Variants in OPCML observed in about 807,000 individuals in gnomAD.
OPCML encodes the protein opioid binding protein/cell adhesion molecule like.
In OPCML, 13 loss-of-function variants were observed where a neutral mutation model predicts 37.8. That is an observed-to-expected ratio of 0.34 (90% CI 0.22 to 0.55). OPCML has a LOEUF of 0.55. Ranked by LOEUF, OPCML falls within the 20% of genes least tolerant of loss-of-function variation. The probability of loss-of-function intolerance (pLI) is 0.91; values close to 1 mark genes in which losing one functional copy is unlikely to be tolerated. For synonymous variants in OPCML, 176 were observed against 168.8 expected (o/e 1.04, Z -0.33); for missense variants, 341 against 435.6 (o/e 0.78, Z 1.93).
At chr11:132,826,587 T>C (rs1216314982) in intron 2 of OPCML, among the ~76,000 whole-genome samples, 1 of 152,212 alleles carries the variant, frequency 6.6e-6, no homozygotes. Flanking sequence ...AAGAATACTT[T>C]ATGTAACATG....
chr11:133,185,237 C>T (rs1002830127), intron 1 of OPCML, among the ~76,000 whole-genome samples: 5 of 152,154 alleles, frequency 3.3e-5, no homozygotes, highest in Non-Finnish European at 7.3e-5. Context: ...GTTCATTCTC[C>T]AATTACATTA....
At chr11:133,028,859 G>A (rs140818492) in intron 1 of OPCML, among the ~76,000 whole-genome samples, 1,804 of 150,482 alleles carry the variant, frequency 0.012, 97 homozygotes, top group Admixed American at 0.1. Flanking sequence ...ATTGACAATT[G>A]GGACCTAATT....
At chr11:133,179,187 G>A (rs1380165004) in intron 1 of OPCML, among the ~76,000 whole-genome samples, 1 of 151,982 alleles carries the variant, frequency 6.6e-6, no homozygotes, top group Non-Finnish European at 1.5e-5. Flanking sequence ...ATAGGCACCT[G>A]AAAGATACAA....
At chr11:133,087,425 G>A (rs1183089642) in intron 1 of OPCML, among the ~76,000 whole-genome samples, 1 of 152,082 alleles carries the variant, frequency 6.6e-6, no homozygotes, top group African/African-American at 2.4e-5. Context: ...GGGTTCTTCA[G>A]CCTTTGCCCT....
intron 3 of OPCML, among the ~76,000 whole-genome samples, chr11:132,603,410 C>T (rs1938060871): frequency 6.6e-6 from 1 of 152,186 alleles, no homozygotes; most frequent in Non-Finnish European, 1.5e-5. Flanking sequence ...TTCAGTTCGT[C>T]ACCAGTTCAA....
chr11:133,380,546 G>A (rs1048624021), intron 1 of OPCML, among the ~76,000 whole-genome samples: 4 of 152,106 alleles, frequency 2.6e-5, no homozygotes, highest in Admixed American at 1.3e-4. Flanking sequence ...TTCTGTTTAC[G>A]TTTTTGGTAA....
At chr11:133,470,552 G>A (rs1342621576) in intron 1 of OPCML, among the ~76,000 whole-genome samples, 1 of 152,158 alleles carries the variant, frequency 6.6e-6, no homozygotes, top group African/African-American at 2.4e-5. Flanking sequence ...AAAGTGTGAT[G>A]TCCTTTCTTT....
intron 1 of OPCML, among the ~76,000 whole-genome samples, chr11:133,338,732 TC>T (rs996301487): frequency 1.1e-4 from 17 of 152,182 alleles, no homozygotes; most frequent in African/African-American, 4.1e-4. Flanking sequence ...ATCCCTATAA[TC>T]TTTGGTTTGA....
chr11:133,064,754 C>T (rs1048755000), intron 1 of OPCML: 1 of 152,148 alleles, frequency 6.6e-6, no homozygotes, highest in East Asian at 1.9e-4. Flanking sequence ...GCCACACGGC[C>T]CGGCGCGGGG....
At chr11:132,597,607 C>T (rs1487069606) in intron 3 of OPCML, among the ~76,000 whole-genome samples, 1 of 152,172 alleles carries the variant, frequency 6.6e-6, no homozygotes, top group African/African-American at 2.4e-5. Context: ...TATTGATTAA[C>T]ACGAGGTCTG....
chr11:132,870,755 C>A (rs1942764115), intron 2 of OPCML, among the ~76,000 whole-genome samples: 1 of 152,112 alleles, frequency 6.6e-6, no homozygotes, highest in Admixed American at 6.5e-5. Context: ...TTTGGAGCAA[C>A]ATCAATGAAC....
chr11:132,470,449 A>G (rs773160105), intron 4 of OPCML, among the ~76,000 whole-genome samples: 15 of 152,346 alleles, frequency 9.8e-5, no homozygotes, highest in Admixed American at 5.2e-4. Context: ...GAAACTATGT[A>G]AGGTTCACAG....
At position 133,235,653 on chromosome 11, in the gene OPCML, C is replaced by T. The variant is rs1940478735; in HGVS notation, c.62-292643G>A. On this transcript the variant is annotated intron_variant, in intron 1 of 7. Coordinates refer to ENST00000524381, the MANE Select transcript of OPCML (RefSeq NM_001012393.5). ...GGTAAAGCTGTTAGGAAACTGAACG[C>T]TGGCTCAACAGACCCCAAAAAATTA... 1.3e-5 allele frequency among the ~76,000 whole-genome samples: 2 copies of T among 152,196 alleles called. 1 individual carries two copies. Among genetic ancestry groups the T allele is most frequent in the South Asian group, 4.1e-4 (2 of 4,824 alleles).
chr11:133,004,521 GGCCTTGGCCAT>G lies in OPCML; in HGVS notation c.62-61522_62-61512del, dbSNP rs1947069643. 42 of 985,422 alleles carry G rather than the reference GGCCTTGGCCAT, an allele frequency of 4.3e-5. 1 individual carries two copies. In the South Asian group the frequency reaches 1.8e-3, roughly 42 times the overall value. 61.0% of individuals were successfully genotyped at this position (985,422 alleles called of 1,614,324 possible). A position where few individuals can be genotyped will look rare whatever the true frequency, so the allele number is the denominator to read the frequency against. On this transcript the variant is annotated intron_variant, in intron 1 of 7. Transcript: ENST00000524381. ...ATGCCCTCTGCAGACGACCGAGGTCGGCCTTGGCCATGCACCTCTTGGCCGTCCTGACACTG... is the reference window on the plus strand; with the variant it reads ...ATGCCCTCTGCAGACGACCGAGGTCGGCACCTCTTGGCCGTCCTGACACTG...
At chr11:133,281,036 T>C (rs772192925) in intron 1 of OPCML, among the ~76,000 whole-genome samples, 1 of 152,140 alleles carries the variant, frequency 6.6e-6, no homozygotes, top group Non-Finnish European at 1.5e-5. Context: ...CTGGAGAAAT[T>C]GTCTGAATAA....
chr11:132,902,362 G>T (rs1006982000), intron 2 of OPCML, among the ~76,000 whole-genome samples: 1 of 152,118 alleles, frequency 6.6e-6, no homozygotes, highest in African/African-American at 2.4e-5. Context: ...CTTCCTGAGG[G>T]CTTCTGTGAG....
intron 4 of OPCML, among the ~76,000 whole-genome samples, chr11:132,506,806 T>C (rs985845919): frequency 3.3e-5 from 5 of 151,612 alleles, no homozygotes; most frequent in Admixed American, 6.6e-5. Flanking sequence ...ATACAAAACA[T>C]GAAAGCTACT....
intron 2 of OPCML, among the ~76,000 whole-genome samples, chr11:132,821,553 T>A (rs971419223): frequency 2.6e-5 from 4 of 152,208 alleles, no homozygotes; most frequent in African/African-American, 9.7e-5. Flanking sequence ...GCCTCAAATA[T>A]CTTCATTAAA....
chr11:133,039,395 C>T (rs572217636), intron 1 of OPCML, among the ~76,000 whole-genome samples: 1 of 152,300 alleles, frequency 6.6e-6, no homozygotes, highest in East Asian at 1.9e-4. Context: ...TCCTTGCCTC[C>T]TCATGCCTTC....
Sources: gnomAD v4.1 joint callset for allele counts (sites outside exome capture counted in the v4.1 genomes callset) on GRCh38, gnomAD v4.1.1 for gene constraint, MANE v1.5 for transcripts, NCBI Gene and HGNC (gene_info 2026-07-23, HGNC 2026-07-21) for gene names.